SGCZ: variants seen among roughly 807,000 people sequenced by gnomAD.
The protein encoded by SGCZ is sarcoglycan zeta, also known as zeta-sarcoglycan.
Under a neutral mutation model 41.3 loss-of-function variants are expected in SGCZ, and 40 were observed. The ratio of observed to expected loss-of-function variants is 0.97; its 90% CI spans 0.75 to 1.26. SGCZ has a LOEUF of 1.26. Among genes scored for constraint, SGCZ ranks in the 50% most tolerant of loss-of-function variants. The probability of loss-of-function intolerance (pLI) is 0.00; values close to 1 mark genes in which losing one functional copy is unlikely to be tolerated. For synonymous variants in SGCZ, 206 were observed against 137.5 expected (o/e 1.50, Z -3.49); for missense variants, 552 against 369.8 (o/e 1.49, Z -4.04).
intron 3 of SGCZ, among the ~76,000 whole-genome samples, chr8:14,241,369 G>A (rs1206475326): frequency 2.7e-5 from 4 of 150,172 alleles, no homozygotes; most frequent in Non-Finnish European, 5.9e-5. Context: ...AAGTAAGAAA[G>A]TAGTTAATAT....
intron 1 of SGCZ, among the ~76,000 whole-genome samples, chr8:14,975,649 A>T (rs544333031): frequency 6.6e-6 from 1 of 152,200 alleles, no homozygotes; most frequent in South Asian, 2.1e-4. Context: ...TATAGGACTC[A>T]GTGTATATCT....
chr8:14,730,149 T>C (rs1585215014), intron 1 of SGCZ, among the ~76,000 whole-genome samples: 2 of 152,154 alleles, frequency 1.3e-5, no homozygotes, highest in Admixed American at 6.5e-5. Flanking sequence ...TTGGCCATCA[T>C]CTCATCAAGA....
chr8:15,104,286 G>C (rs974704339), intron 1 of SGCZ, among the ~76,000 whole-genome samples: 3 of 152,120 alleles, frequency 2.0e-5, no homozygotes, highest in African/African-American at 7.2e-5. Flanking sequence ...TCTTATACAG[G>C]AGACAATTGA....
At chr8:15,031,902 C>CCTCTCTCTCTCTCTCT (rs751690018) in intron 1 of SGCZ, among the ~76,000 whole-genome samples, 95 of 130,826 alleles carry the variant, frequency 7.3e-4, no homozygotes, top group East Asian at 9.4e-4. Flanking sequence ...CCTCTATATT[C>CCTCTCTCTCTCTCTCT]CTCTCTCTCT....
Position 14,097,109 on chromosome 8 carries a change from A to C in SGCZ, c.744+5267T>G, listed in dbSNP as rs188017177. Among the ~76,000 whole-genome samples, 94 of 151,958 alleles carry C rather than the reference A, an allele frequency of 6.2e-4. 1 individual carries two copies. The highest frequency in any genetic ancestry group is 2.2e-3 in the African/African-American group (93 of 41,420). On this transcript the variant is annotated intron_variant, in intron 7 of 7. Transcript: ENST00000382080. ...GTGTATCTCCTTCAGTTCTGCTCTG[A>C]TCATAGTCATTTCTTGTCTTCTGCT...
intron 3 of SGCZ, among the ~76,000 whole-genome samples, chr8:14,277,580 T>C (rs561110701): frequency 6.5e-4 from 99 of 152,236 alleles, no homozygotes; most frequent in African/African-American, 2.3e-3. Context: ...GAAGTAAAAG[T>C]TATTAAATTG....
intron 1 of SGCZ, among the ~76,000 whole-genome samples, chr8:15,042,154 T>C (rs1368334192): frequency 6.6e-6 from 1 of 152,158 alleles, no homozygotes; most frequent in Non-Finnish European, 1.5e-5. Flanking sequence ...TGAGTTAGGA[T>C]GATGAGAAAC....
At chr8:14,537,081 C>CT (rs1294171025) in intron 2 of SGCZ, among the ~76,000 whole-genome samples, 2 of 151,940 alleles carry the variant, frequency 1.3e-5, no homozygotes, top group African/African-American at 4.8e-5. Flanking sequence ...CATCATGACT[C>CT]TAACAGCTCT....
intron 1 of SGCZ, among the ~76,000 whole-genome samples, chr8:15,204,627 C>G (rs114256584): frequency 0.054 from 8,279 of 152,140 alleles, 254 homozygotes; most frequent in South Asian, 0.074. Context: ...TAGCACTTCA[C>G]AAGAATGAAA....
At chr8:14,190,406 G>GAT (rs747303857) in intron 4 of SGCZ, among the ~76,000 whole-genome samples, 52 of 151,236 alleles carry the variant, frequency 3.4e-4, no homozygotes, top group Middle Eastern at 3.4e-3. Flanking sequence ...AATAAAGTGT[G>GAT]ATATATATAT....
At chr8:14,698,546 A>C (rs1261536048) in intron 1 of SGCZ, among the ~76,000 whole-genome samples, 2 of 151,972 alleles carry the variant, frequency 1.3e-5, no homozygotes, top group Non-Finnish European at 2.9e-5. Context: ...ATTTAGCATG[A>C]GACAAAATGC....
intron 1 of SGCZ, among the ~76,000 whole-genome samples, chr8:15,103,291 C>A (rs938017605): frequency 2.0e-5 from 3 of 152,036 alleles, no homozygotes; most frequent in Admixed American, 1.3e-4. Context: ...TACCCAGCTA[C>A]TGGGGAGGCT....
At chr8:14,447,266 C>G (rs555267381) in intron 2 of SGCZ, among the ~76,000 whole-genome samples, 4 of 152,194 alleles carry the variant, frequency 2.6e-5, no homozygotes, top group South Asian at 4.1e-4. Flanking sequence ...AAACCAAGAT[C>G]TTTTCTTGCT....
chr8:14,102,548 A>T (rs773857493), intron 6 of SGCZ, 49 bp from the exon 7 acceptor site: 3 of 1,307,040 alleles, frequency 2.3e-6, no homozygotes, highest in African/African-American at 1.5e-5. Flanking sequence ...ACACAAAAAA[A>T]TCATTAATAG....
chr8:14,287,752 G>C (rs1209711475), intron 3 of SGCZ, among the ~76,000 whole-genome samples: 2 of 152,002 alleles, frequency 1.3e-5, no homozygotes, highest in African/African-American at 4.8e-5. Context: ...ATCTCATTAA[G>C]CTACATTGAC....
At chr8:14,412,039 C>A (rs1382443915) in intron 2 of SGCZ, among the ~76,000 whole-genome samples, 1 of 152,058 alleles carries the variant, frequency 6.6e-6, no homozygotes, top group African/African-American at 2.4e-5. Context: ...AACAATATGA[C>A]CATCCTTCCC....
At chr8:14,432,914 C>CAAAAAAAAAAAAAAAAAAAAAAAAAAAAA (rs767979164) in intron 2 of SGCZ, among the ~76,000 whole-genome samples, 1 of 75,632 alleles carries the variant, frequency 1.3e-5, no homozygotes, top group Non-Finnish European at 2.5e-5. Context: ...ACTGTGTCTC[C>CAAAAAAAAAAAAAAAAAAAAAAAAAAAAA]AAAAAAAAAA....
chr8:14,562,440 C>T (rs1003281254), intron 1 of SGCZ, among the ~76,000 whole-genome samples: 1 of 151,650 alleles, frequency 6.6e-6, no homozygotes, highest in East Asian at 1.9e-4. Flanking sequence ...ATGATAAATA[C>T]AATAAAAAAG....
At chr8:14,239,901 CAAAAAAAAAAAAAAAAAA>C (rs71209029) in intron 3 of SGCZ, among the ~76,000 whole-genome samples, 2 of 41,364 alleles carry the variant, frequency 4.8e-5, no homozygotes, top group African/African-American at 2.3e-4. Context: ...GACTCCGTCT[CAAAAAAAAAAAAAAAAAA>C]AAAAAAAAAA....
Sources: allele counts gnomAD v4.1 joint callset (sites outside exome capture counted in the v4.1 genomes callset), GRCh38; gene constraint gnomAD v4.1.1; transcripts MANE v1.5; gene names NCBI Gene and HGNC (gene_info 2026-07-23, HGNC 2026-07-21).